Variants in ARID5B observed in about 807,000 individuals in gnomAD.
ARID5B encodes the protein AT-rich interactive domain-containing protein 5B.
In ARID5B, 13 loss-of-function variants were observed where a neutral mutation model predicts 97.2. The ratio of observed to expected loss-of-function variants is 0.13; its 90% CI spans 0.09 to 0.21. The LOEUF (loss-of-function observed/expected upper bound fraction) is 0.21. Among genes scored for constraint, ARID5B ranks in the 10% least tolerant of loss-of-function variants. ARID5B has a pLI of 1.00. For missense variants in ARID5B, 1,210 were observed against 1,465.3 expected, an observed-to-expected ratio of 0.83 and a Z score of 2.84; for synonymous variants, 556 against 570.3, an observed-to-expected ratio of 0.97 and a Z score of 0.36.
intron 3 of ARID5B, among the ~76,000 whole-genome samples, chr10:61,942,323 T>C (rs892440748): frequency 2.6e-5 from 4 of 152,232 alleles, no homozygotes; most frequent in Non-Finnish European, 5.9e-5. Context: ...TTATAGTGAA[T>C]ATTCACAGTA....
At chr10:62,034,354 T>C (rs1235213215) in intron 4 of ARID5B, among the ~76,000 whole-genome samples, 1 of 152,238 alleles carries the variant, frequency 6.6e-6, no homozygotes, top group Non-Finnish European at 1.5e-5. Flanking sequence ...CTTTTCAACA[T>C]GATTGCATCT....
chr10:62,056,780 T>A (rs1839862039), intron 5 of ARID5B, among the ~76,000 whole-genome samples: 1 of 152,126 alleles, frequency 6.6e-6, no homozygotes, highest in African/African-American at 2.4e-5. Flanking sequence ...GGCTGGCAAT[T>A]TCTGTCAATA....
chr10:61,999,020 A>G lies in ARID5B; in HGVS notation c.503-1071A>G, dbSNP rs543102191. 7.2e-5 allele frequency among the ~76,000 whole-genome samples: 11 copies of G among 152,326 alleles called. No homozygotes were observed. The South Asian group carries it at 2.1e-3, about 29-fold the overall frequency. On this transcript the variant is annotated intron_variant, in intron 3 of 9. Coordinates refer to ENST00000279873, the MANE Select transcript of ARID5B (RefSeq NM_032199.3). ...ATTATAGATGGTCACAGCAAAGACA[A>G]AGAGAGATTGTGGTCAGTGGTACAC... is the stretch of plus-strand genomic sequence containing the variant.
intron 3 of ARID5B, among the ~76,000 whole-genome samples, chr10:61,999,691 C>A (rs1275969235): frequency 6.6e-6 from 1 of 152,188 alleles, no homozygotes; most frequent in Non-Finnish European, 1.5e-5. Flanking sequence ...AATATAAGAG[C>A]AATTCCAAAC....
chr10:61,960,838 G>A (rs1838460349), intron 3 of ARID5B, among the ~76,000 whole-genome samples: 1 of 152,262 alleles, frequency 6.6e-6, no homozygotes, highest in Admixed American at 6.5e-5. Flanking sequence ...GCAACATAAT[G>A]TAGTGGTAAG....
At chr10:62,057,755 A>C (rs10465963) in intron 6 of ARID5B, among the ~76,000 whole-genome samples, 2,917 of 152,334 alleles carry the variant, frequency 0.019, 87 homozygotes, top group African/African-American at 0.067. Flanking sequence ...CCTAAGCCCC[A>C]AATGTGTTAA....
At chr10:61,993,366 A>G (rs893106559) in intron 3 of ARID5B, among the ~76,000 whole-genome samples, 1 of 152,186 alleles carries the variant, frequency 6.6e-6, no homozygotes, top group Non-Finnish European at 1.5e-5. Context: ...ACTTTCAACC[A>G]ATTCAAGCTA....
At chr10:61,909,318 G>GGTTT (rs1843759779) in intron 2 of ARID5B, among the ~76,000 whole-genome samples, 2 of 77,260 alleles carry the variant, frequency 2.6e-5, no homozygotes, top group African/African-American at 1.0e-4. Context: ...TATTCAGTGA[G>GGTTT]TTTTTTTTTT....
intron 2 of ARID5B, among the ~76,000 whole-genome samples, chr10:61,913,254 T>G (rs1441853864): frequency 6.6e-6 from 1 of 152,230 alleles, no homozygotes; most frequent in Non-Finnish European, 1.5e-5. Flanking sequence ...CTGTGCTGTC[T>G]GCCAACATGT....
chr10:61,934,193 A>C (rs2132787750), intron 2 of ARID5B, among the ~76,000 whole-genome samples: 1 of 152,326 alleles, frequency 6.6e-6, no homozygotes, highest in Non-Finnish European at 1.5e-5. Context: ...CTTTCGTAGA[A>C]TTGAAGAGAG....
rs777612375 is a variant in ARID5B at position 61,909,318 on chromosome 10, G to GTTTTTTTTTT, written c.276+6921_276+6930dup. On this transcript the variant is annotated intron_variant, in intron 2 of 9. Coordinates refer to ENST00000279873, the MANE Select transcript of ARID5B (RefSeq NM_032199.3). ...TGCAATATTTAGTGCTATTCAGTGA[G>GTTTTTTTTTT]TTTTTTTTTTTTTTTTTTTTTTTTT... Among the ~76,000 whole-genome samples, 47 of 77,242 alleles carry GTTTTTTTTTT rather than the reference G, an allele frequency of 6.1e-4. 2 individuals are homozygous for GTTTTTTTTTT. The highest frequency in any genetic ancestry group is 9.4e-4 in the African/African-American group (18 of 19,128). The allele number at this position is 77,242 out of a possible 152,430, so 50.7% of individuals were successfully genotyped here.
chr10:61,998,464 C>G (rs181382650), intron 3 of ARID5B, among the ~76,000 whole-genome samples: 3 of 152,236 alleles, frequency 2.0e-5, no homozygotes, highest in Admixed American at 2.0e-4. Context: ...GGTCATGGAG[C>G]CTAAATTCAG....
chr10:62,025,471 T>G (rs1839408892), intron 4 of ARID5B: 1 of 152,170 alleles, frequency 6.6e-6, no homozygotes, highest in Admixed American at 6.5e-5. Flanking sequence ...TGGATGTGTC[T>G]GTCTGCCTTT....
intron 5 of ARID5B, among the ~76,000 whole-genome samples, chr10:62,053,331 T>C (rs1265446375): frequency 3.3e-5 from 5 of 152,232 alleles, no homozygotes; most frequent in Non-Finnish European, 4.4e-5. Flanking sequence ...TGGGACCCAC[T>C]GGGTTTGTTG....
chr10:62,095,385 G>GT lies in ARID5B; in HGVS notation c.*2355_*2356insT. The GT allele has an allele frequency of 4.5e-6, 1 of 220,914 alleles. No individual in the cohort carries two copies. The highest frequency in any genetic ancestry group is 6.6e-5 in the East Asian group (1 of 15,038). The allele number at this position is 220,914 out of a possible 1,614,324, so 13.7% of individuals were successfully genotyped here. A position where few individuals can be genotyped will look rare whatever the true frequency, so the allele number is the denominator to read the frequency against. Reference sequence around the variant, plus strand: ...AGTTCGTGTCTCAAAAAAAAAAGGAGGGGGGGCATCTGTCCCCGGTGGAGC... The same window carrying GT: ...AGTTCGTGTCTCAAAAAAAAAAGGAGTGGGGGGCATCTGTCCCCGGTGGAGC... On this transcript the variant is annotated 3_prime_UTR_variant, in exon 10 of 10. Transcript: ENST00000279873.
At chr10:61,973,798 C>G (rs1369293146) in intron 3 of ARID5B, among the ~76,000 whole-genome samples, 1 of 152,130 alleles carries the variant, frequency 6.6e-6, no homozygotes, top group East Asian at 1.9e-4. Context: ...CTTTTCTTTT[C>G]CACATCAAGA....
At chr10:62,045,550 A>C (rs142015467) in intron 4 of ARID5B, among the ~76,000 whole-genome samples, 4,426 of 151,836 alleles carry the variant, frequency 0.029, 183 homozygotes, top group African/African-American at 0.095. Context: ...TCCCGGGTTC[A>C]AGAGATTCTC....
At chr10:62,077,458 C>A (rs1190137343) in intron 8 of ARID5B, among the ~76,000 whole-genome samples, 1 of 152,102 alleles carries the variant, frequency 6.6e-6, no homozygotes, top group Non-Finnish European at 1.5e-5. Context: ...TGTAAAAACA[C>A]CCTCAGGCAC....
intron 2 of ARID5B, among the ~76,000 whole-genome samples, chr10:61,915,383 G>GT (rs1843883013): frequency 6.6e-6 from 1 of 152,210 alleles, no homozygotes; most frequent in Non-Finnish European, 1.5e-5. Flanking sequence ...AAGTGCCTAT[G>GT]TCAGGGGTAC....
Sources: gnomAD v4.1 joint callset for allele counts (sites outside exome capture counted in the v4.1 genomes callset) on GRCh38, gnomAD v4.1.1 for gene constraint, MANE v1.5 for transcripts, NCBI Gene and HGNC (gene_info 2026-07-23, HGNC 2026-07-21) for gene names.